Variants in CNTN5 observed in about 807,000 individuals in gnomAD.
CNTN5 encodes contactin 5.
CNTN5 carries 77 observed loss-of-function variants against 129.1 expected under a neutral mutation model. That is an observed-to-expected ratio of 0.60 (90% CI 0.50 to 0.72). CNTN5 has a LOEUF of 0.72. CNTN5 is among the 30% of genes least tolerant of loss of function. The pLI, the probability that CNTN5 is intolerant of heterozygous loss-of-function variation, is 0.00. For synonymous variants in CNTN5, 509 were observed against 465.6 expected (o/e 1.09, Z -1.20); for missense variants, 1,478 against 1,328.8 (o/e 1.11, Z -1.75).
intron 2 of CNTN5, among the ~76,000 whole-genome samples, chr11:99,381,957 G>A (rs1260931690): frequency 2.0e-5 from 3 of 147,924 alleles, no homozygotes; most frequent in African/African-American, 5.1e-5. Context: ...CGAGGGCTGA[G>A]AGAAAAATCG....
At chr11:100,170,279 A>G (rs1466058557) in intron 13 of CNTN5, among the ~76,000 whole-genome samples, 4 of 152,010 alleles carry the variant, frequency 2.6e-5, no homozygotes, top group African/African-American at 9.7e-5. Flanking sequence ...TAAATATAAA[A>G]TCTGTGTATG....
intron 1 of CNTN5, among the ~76,000 whole-genome samples, chr11:99,268,901 G>A (rs1471104813): frequency 6.6e-6 from 1 of 151,950 alleles, no homozygotes; most frequent in African/African-American, 2.4e-5. Context: ...TGCTGTGAAA[G>A]GATAGTAATC....
intron 9 of CNTN5, among the ~76,000 whole-genome samples, chr11:100,039,136 C>T (rs1334855846): frequency 6.6e-6 from 1 of 152,106 alleles, no homozygotes; most frequent in Non-Finnish European, 1.5e-5. Context: ...TTAGTGCTTC[C>T]TTCAGTAGCT....
chr11:99,165,023 T>A (rs990811586), intron 1 of CNTN5, among the ~76,000 whole-genome samples: 4 of 152,246 alleles, frequency 2.6e-5, no homozygotes, highest in African/African-American at 9.6e-5. Flanking sequence ...TTCTTCAATT[T>A]TTTTTTAGTT....
chr11:99,667,071 CAT>C (rs1952823011), intron 3 of CNTN5, among the ~76,000 whole-genome samples: 1 of 151,672 alleles, frequency 6.6e-6, no homozygotes. Context: ...GGATGTGACA[CAT>C]TTAGAGTAGT....
At chr11:99,452,619 G>A (rs775933178) in intron 2 of CNTN5, among the ~76,000 whole-genome samples, 8 of 151,918 alleles carry the variant, frequency 5.3e-5, no homozygotes, top group Non-Finnish European at 8.8e-5. Context: ...TGATCTGCCC[G>A]CCCTTGGCCT....
At chr11:100,040,915 T>C (rs1942341135) in intron 9 of CNTN5, among the ~76,000 whole-genome samples, 2 of 152,200 alleles carry the variant, frequency 1.3e-5, no homozygotes, top group Non-Finnish European at 1.5e-5. Flanking sequence ...CCCTGACCCC[T>C]TGTGCTTCCC....
At chr11:99,782,654 A>C (rs1192440850) in intron 3 of CNTN5, among the ~76,000 whole-genome samples, 1 of 152,014 alleles carries the variant, frequency 6.6e-6, no homozygotes, top group East Asian at 2.0e-4. Context: ...AACAGAACAG[A>C]GCCCTCAGAA....
intron 3 of CNTN5, among the ~76,000 whole-genome samples, chr11:99,688,570 T>G (rs1370722698): frequency 6.6e-6 from 1 of 152,154 alleles, no homozygotes; most frequent in Non-Finnish European, 1.5e-5. Context: ...ATGGAAATTT[T>G]TTTTTCCACA....
chr11:99,062,965 TAAAAG>T (rs1188088410), intron 1 of CNTN5, among the ~76,000 whole-genome samples: 1 of 151,834 alleles, frequency 6.6e-6, no homozygotes, highest in Non-Finnish European at 1.5e-5. Context: ...ACTGATGAAA[TAAAAG>T]AAAGAAAAGA....
chr11:99,414,662 A>G (rs1942564649), intron 2 of CNTN5, among the ~76,000 whole-genome samples: 2 of 152,106 alleles, frequency 1.3e-5, no homozygotes, highest in African/African-American at 4.8e-5. Context: ...TTAAAATGAC[A>G]TCTGAGCAGG....
intron 3 of CNTN5, among the ~76,000 whole-genome samples, chr11:99,817,654 A>C (rs1946637419): frequency 6.7e-6 from 1 of 150,116 alleles, no homozygotes; most frequent in African/African-American, 2.5e-5. Flanking sequence ...GAGTTAAAAC[A>C]CAAAGCAATA....
chr11:99,028,260 C>T (rs962148441), intron 1 of CNTN5, among the ~76,000 whole-genome samples: 2 of 151,788 alleles, frequency 1.3e-5, no homozygotes, highest in Non-Finnish European at 3.0e-5. Context: ...GTAAGTGCCA[C>T]AGTGAGTAAT....
intron 2 of CNTN5, among the ~76,000 whole-genome samples, chr11:99,472,777 T>C (rs1364000169): frequency 1.3e-5 from 2 of 152,162 alleles, no homozygotes; most frequent in African/African-American, 4.8e-5. Flanking sequence ...CAAGCGATTC[T>C]TATTCCTCAC....
intron 17 of CNTN5, among the ~76,000 whole-genome samples, chr11:100,262,445 T>C (rs1253378370): frequency 6.6e-6 from 1 of 152,198 alleles, no homozygotes; most frequent in Non-Finnish European, 1.5e-5. Flanking sequence ...ACTGGGTATA[T>C]ATCCAGAGGA....
At chr11:100,333,116 G>A (rs1951942044) in intron 21 of CNTN5, among the ~76,000 whole-genome samples, 1 of 152,120 alleles carries the variant, frequency 6.6e-6, no homozygotes, top group African/African-American at 2.4e-5. Context: ...AAAGTCAGTA[G>A]CTCTGCTATA....
At chr11:99,333,704 T>C (rs1385207321) in intron 2 of CNTN5, among the ~76,000 whole-genome samples, 1 of 152,050 alleles carries the variant, frequency 6.6e-6, no homozygotes, top group Non-Finnish European at 1.5e-5. Context: ...TATGTCACTA[T>C]AGGAAATCAT....
At chr11:99,791,673 A>G (rs1945747935) in intron 3 of CNTN5, among the ~76,000 whole-genome samples, 1 of 152,212 alleles carries the variant, frequency 6.6e-6, no homozygotes, top group African/African-American at 2.4e-5. Flanking sequence ...AAAGTTTGAT[A>G]CAGACAGCAG....
chr11:99,908,697 A>C (rs573299223), intron 6 of CNTN5, among the ~76,000 whole-genome samples: 1 of 152,226 alleles, frequency 6.6e-6, no homozygotes, highest in Non-Finnish European at 1.5e-5. Flanking sequence ...TCAGTGTTGA[A>C]GTAGCTTTTT....
Sources: allele counts gnomAD v4.1 joint callset (sites outside exome capture counted in the v4.1 genomes callset), GRCh38; gene constraint gnomAD v4.1.1; transcripts MANE v1.5; gene names NCBI Gene and HGNC (gene_info 2026-07-23, HGNC 2026-07-21).